The following PRKAA2 variants were observed in gnomAD, a reference collection of about 807,000 sequenced individuals.
PRKAA2 encodes 5'-AMP-activated protein kinase catalytic subunit alpha-2.
Under a neutral mutation model 56.3 loss-of-function variants are expected in PRKAA2, and 40 were observed. That is an observed-to-expected ratio of 0.71 (90% CI 0.55 to 0.92). The LOEUF is 0.92. PRKAA2 is among the 40% of genes least tolerant of loss of function. The pLI, the probability that PRKAA2 is intolerant of heterozygous loss-of-function variation, is 0.00. For missense variants in PRKAA2, 542 were observed against 686.9 expected (o/e 0.79, Z 2.36); for synonymous variants, 214 against 234.2 (o/e 0.91, Z 0.79).
rs183108831 is a variant in PRKAA2 at position 56,650,047 on chromosome 1, A to G, written c.94+4566A>G. 2.6e-5 allele frequency among the ~76,000 whole-genome samples: 4 copies of G among 152,144 alleles called. No homozygotes were observed. In the East Asian group the frequency reaches 7.7e-4, roughly 29 times the overall value. On this transcript the variant is annotated intron_variant, in intron 1 of 8. Transcript: ENST00000371244. ...GAGGCGGAAGTTGCAGTGGGCCGAG[A>G]TTGTGCCACTGCACTCCAGCCTGGG...
chr1:56,694,645 G>T (rs1188263121), intron 5 of PRKAA2, among the ~76,000 whole-genome samples: 1 of 151,994 alleles, frequency 6.6e-6, no homozygotes, highest in Admixed American at 6.6e-5. Flanking sequence ...ACTTCACATG[G>T]TGAAAGGGAC....
rs948665545 is a variant in PRKAA2 at position 56,714,980 on chromosome 1, T to C, written c.*7267T>C. The C allele has an allele frequency of 2.6e-5, 4 of 152,024 alleles. No homozygotes were observed. Among genetic ancestry groups the C allele is most frequent in the Non-Finnish European group, 5.9e-5 (4 of 68,000 alleles). 9.4% of individuals were successfully genotyped at this position (152,024 alleles called of 1,614,324 possible). On this transcript the variant is annotated 3_prime_UTR_variant, in exon 9 of 9. Coordinates refer to ENST00000371244, the MANE Select transcript of PRKAA2 (RefSeq NM_006252.4). ...CTTCATTACGTATTTATTGAAAATT[T>C]TTTTTAATTGTTGAAATTGGGACCA...
At chr1:56,705,413 T>G (rs1169810171) in intron 7 of PRKAA2, among the ~76,000 whole-genome samples, 1 of 147,434 alleles carries the variant, frequency 6.8e-6, no homozygotes, top group Non-Finnish European at 1.5e-5. Context: ...TTGTTGTTGT[T>G]TGTTTTTTTG....
intron 6 of PRKAA2, among the ~76,000 whole-genome samples, chr1:56,701,522 T>C (rs1644293317): frequency 6.6e-6 from 1 of 152,204 alleles, no homozygotes; most frequent in Admixed American, 6.5e-5. Flanking sequence ...ATACTTTGTC[T>C]ATTTATCATA....
At position 56,674,429 on chromosome 1, in the gene PRKAA2, A is replaced by G. The variant is rs1644099067; in HGVS notation, c.143A>G (p.Asn48Ser). Reference sequence around the variant, plus strand: ...CATAAAGTGGCAGTTAAAATCTTAAATAGACAGAAGATTCGCAGTTTAGAT... The same window carrying G: ...CATAAAGTGGCAGTTAAAATCTTAAGTAGACAGAAGATTCGCAGTTTAGAT... Reference protein sequence around the residue: ...TGHKVAVKILNRQKIRSLDVV... With the variant: ...TGHKVAVKILSRQKIRSLDVV... Residue 48 changes from asparagine (N) to serine (S), a missense_variant, in exon 2 of 9, where the codon AAT becomes AGT. Physicochemically the swap from Asn to Ser is conservative, Grantham distance 46. Transcript: ENST00000371244. The G allele has an allele frequency of 6.3e-7, 1 of 1,585,460 alleles. No homozygotes were observed. Among genetic ancestry groups the G allele is most frequent in the African/African-American group, 1.4e-5 (1 of 73,482 alleles).
rs1471971409 is a variant in PRKAA2 at position 56,674,510 on chromosome 1, A to T, written c.224A>T (p.His75Leu). ...IQNLKLFRHPHIIKLYQVIST... is the reference protein window; with the variant it reads ...IQNLKLFRHPLIIKLYQVIST... ...AATCTAAAACTCTTTCGTCATCCTC[A>T]TATTATCAAACTGTAAGTATTTTTG... Residue 75 changes from histidine (H) to leucine (L), a missense_variant, in exon 2 of 9, where the codon CAT becomes CTT. His to Leu is a moderately conservative substitution (Grantham distance 99). Around this residue, in one of 5 missense-constraint regions of PRKAA2, gnomAD observed 121 missense variants for 210.0 expected, o/e 0.58. Coordinates refer to ENST00000371244, the MANE Select transcript of PRKAA2 (RefSeq NM_006252.4). The T allele has an allele frequency of 6.5e-7, 1 of 1,527,008 alleles. No homozygotes were observed. The highest frequency in any genetic ancestry group is 8.9e-7 in the Non-Finnish European group (1 of 1,128,360). 94.6% of individuals were successfully genotyped at this position (1,527,008 alleles called of 1,614,324 possible).
chr1:56,704,815 G>T lies in PRKAA2; in HGVS notation c.1293+340G>T, dbSNP rs369393030. Among the ~76,000 whole-genome samples the T allele has an allele frequency of 1.4e-3, 218 of 151,632 alleles. 2 individuals are homozygous for T. The highest frequency in any genetic ancestry group is 3.4e-3 in the Middle Eastern group (1 of 294). ...ACTTTCTCTTTTTTTTTTTAGGGAGGTTATTTTTCTTTTCTCTTTTTTTTA... is the reference window on the plus strand; with the variant it reads ...ACTTTCTCTTTTTTTTTTTAGGGAGTTTATTTTTCTTTTCTCTTTTTTTTA... On this transcript the variant is annotated intron_variant, in intron 7 of 8. Coordinates refer to ENST00000371244, the MANE Select transcript of PRKAA2 (RefSeq NM_006252.4).
At chr1:56,690,762 T>C (rs1644224276) in intron 2 of PRKAA2, among the ~76,000 whole-genome samples, 1 of 152,220 alleles carries the variant, frequency 6.6e-6, no homozygotes, top group Admixed American at 6.5e-5. Flanking sequence ...AATATATGTA[T>C]GTTTTACAGA....
At chr1:56,688,326 CG>C (rs1644205870) in intron 2 of PRKAA2, among the ~76,000 whole-genome samples, 1 of 152,120 alleles carries the variant, frequency 6.6e-6, no homozygotes, top group Admixed American at 6.5e-5. Context: ...TAAGCACTCA[CG>C]TTATTTAAAA....
intron 2 of PRKAA2, among the ~76,000 whole-genome samples, chr1:56,677,636 G>A (rs1231323478): frequency 1.3e-5 from 2 of 148,642 alleles, no homozygotes; most frequent in Non-Finnish European, 3.0e-5. Context: ...TAATTGTCAT[G>A]AGGATTCTAA....
chr1:56,697,173 C>T (rs1455104200), intron 6 of PRKAA2, among the ~76,000 whole-genome samples: 3 of 151,412 alleles, frequency 2.0e-5, no homozygotes, highest in African/African-American at 7.3e-5. Context: ...GCCACCACAC[C>T]CAGCTAATTT....
intron 1 of PRKAA2, among the ~76,000 whole-genome samples, chr1:56,648,029 CA>C (rs77883110): frequency 2.4e-3 from 263 of 107,760 alleles, no homozygotes; most frequent in Middle Eastern, 5.9e-3. Context: ...GACTCCATCT[CA>C]AAAAAAAAAA....
intron 2 of PRKAA2, among the ~76,000 whole-genome samples, chr1:56,688,128 A>ATT (rs1011790369): frequency 7.9e-5 from 12 of 152,142 alleles, no homozygotes; most frequent in African/African-American, 2.9e-4. Context: ...TAATCCTGGA[A>ATT]TTTGCCTTTT....
chr1:56,693,834 C>G lies in PRKAA2; in HGVS notation c.545C>G (p.Pro182Arg). 6.3e-7 allele frequency: 1 copy of G among 1,591,948 alleles called. No homozygotes were observed. The highest frequency in any genetic ancestry group is 2.2e-5 in the East Asian group (1 of 44,470). Residue 182 changes from proline (P) to arginine (R), a missense_variant, in exon 5 of 9, where the codon CCT becomes CGT. Physicochemically the swap from Pro to Arg is moderately radical, Grantham distance 103. Around this residue, in one of 5 missense-constraint regions of PRKAA2, gnomAD observed 121 missense variants for 210.0 expected, o/e 0.58. Transcript: ENST00000371244. ...TSCGSPNYAAPEVISGRLYAG... is the reference protein window; with the variant it reads ...TSCGSPNYAAREVISGRLYAG... ...TGCGGATCTCCAAATTATGCAGCAC[C>G]TGAAGTCATCTCAGGCAGGTAATAA...
chr1:56,654,091 A>G (rs902344991), intron 1 of PRKAA2, among the ~76,000 whole-genome samples: 1 of 152,068 alleles, frequency 6.6e-6, no homozygotes, highest in Non-Finnish European at 1.5e-5. Context: ...CAGATAATAC[A>G]CTCTGAGCTA....
chr1:56,707,355 C>A, intron 8 of PRKAA2, 120 bp from the exon 9 acceptor site: 1 of 759,338 alleles, frequency 1.3e-6, no homozygotes, highest in Non-Finnish European at 2.2e-6. Context: ...ACATGACATT[C>A]ATTATTAAGT....
chr1:56,655,085 A>C (rs968227058), intron 1 of PRKAA2, among the ~76,000 whole-genome samples: 1 of 151,076 alleles, frequency 6.6e-6, no homozygotes, highest in Admixed American at 6.6e-5. Context: ...TAAATTATAA[A>C]TGAATTATAA....
intron 5 of PRKAA2, among the ~76,000 whole-genome samples, chr1:56,694,451 G>T (rs1353734989): frequency 6.6e-6 from 1 of 152,106 alleles, no homozygotes; most frequent in East Asian, 1.9e-4. Context: ...AAGTATTATT[G>T]CAAATAGCAG....
intron 2 of PRKAA2, among the ~76,000 whole-genome samples, chr1:56,679,003 T>G (rs1644134732): frequency 6.6e-6 from 1 of 152,180 alleles, no homozygotes; most frequent in African/African-American, 2.4e-5. Flanking sequence ...CTAATTCTTT[T>G]TAGTCTATCT....
Sources: allele counts gnomAD v4.1 joint callset (sites outside exome capture counted in the v4.1 genomes callset), GRCh38; gene constraint gnomAD v4.1.1; regional missense constraint gnomAD v4.1.1; transcripts MANE v1.5; gene names NCBI Gene and HGNC (gene_info 2026-07-23, HGNC 2026-07-21).